FSTL5: variants seen among roughly 807,000 people sequenced by gnomAD.
FSTL5 encodes the protein follistatin like 5, also known as follistatin-related protein 5.
Under a neutral mutation model 89.1 loss-of-function variants are expected in FSTL5, and 62 were observed. That is an observed-to-expected ratio of 0.70 (90% CI 0.57 to 0.86). The LOEUF (loss-of-function observed/expected upper bound fraction) is 0.86. Among genes scored for constraint, FSTL5 ranks in the 40% least tolerant of loss-of-function variants. The pLI is 0.00. For synonymous variants in FSTL5, 383 were observed against 346.2 expected (o/e 1.11, Z -1.18); for missense variants, 1,057 against 1,001.6 (o/e 1.06, Z -0.75).
intron 15 of FSTL5, among the ~76,000 whole-genome samples, chr4:161,408,145 C>T (rs903695395): frequency 1.3e-5 from 2 of 152,058 alleles, no homozygotes; most frequent in African/African-American, 4.8e-5. Context: ...TTCCCAAGGC[C>T]CATGAACAGA....
At chr4:162,024,824 T>C (rs1316084267) in intron 3 of FSTL5, among the ~76,000 whole-genome samples, 1 of 152,006 alleles carries the variant, frequency 6.6e-6, no homozygotes, top group Non-Finnish European at 1.5e-5. Flanking sequence ...TAATTTTTTT[T>C]TATTTTATTT....
intron 12 of FSTL5, among the ~76,000 whole-genome samples, chr4:161,495,850 G>A (rs771932849): frequency 4.6e-5 from 7 of 151,954 alleles, no homozygotes; most frequent in Non-Finnish European, 8.8e-5. Flanking sequence ...TTCCACCACT[G>A]GTACTCAGGA....
At chr4:162,158,502 A>G (rs1733570448) in intron 1 of FSTL5, among the ~76,000 whole-genome samples, 1 of 152,086 alleles carries the variant, frequency 6.6e-6, no homozygotes, top group Admixed American at 6.6e-5. Context: ...GCATTTACAT[A>G]TAGTAAAGAG....
chr4:161,952,442 AATAGTAGGAAAAAT>A (rs1176557745), intron 3 of FSTL5, among the ~76,000 whole-genome samples: 1 of 151,984 alleles, frequency 6.6e-6, no homozygotes, highest in Non-Finnish European at 1.5e-5. Flanking sequence ...CTCATCATAT[AATAGTAGGAAAAAT>A]AATACTGCAT....
At chr4:162,113,610 T>A (rs1351116293) in intron 1 of FSTL5, among the ~76,000 whole-genome samples, 1 of 152,200 alleles carries the variant, frequency 6.6e-6, no homozygotes, top group Non-Finnish European at 1.5e-5. Context: ...GAGCTCTATG[T>A]GTTTCTCTCT....
intron 3 of FSTL5, among the ~76,000 whole-genome samples, chr4:161,999,080 C>G (rs1736386721): frequency 6.6e-6 from 1 of 152,128 alleles, no homozygotes; most frequent in South Asian, 2.1e-4. Flanking sequence ...CTAAGGGAAA[C>G]TAGGCCAAGG....
At chr4:161,753,114 A>G (rs746095474) in intron 6 of FSTL5, among the ~76,000 whole-genome samples, 7 of 152,136 alleles carry the variant, frequency 4.6e-5, no homozygotes, top group Admixed American at 1.3e-4. Context: ...TTACTTGCTC[A>G]TCTTGAATGA....
intron 5 of FSTL5, among the ~76,000 whole-genome samples, chr4:161,774,177 T>C (rs562237041): frequency 6.6e-6 from 1 of 152,154 alleles, no homozygotes; most frequent in East Asian, 1.9e-4. Context: ...TAGGTAAAGA[T>C]AAACACACAG....
rs1261940826 is a variant in FSTL5, at chr4:161,654,611, TTTTGATATA to T, written c.894+1708_894+1716del. 1.2e-4 allele frequency among the ~76,000 whole-genome samples: 19 copies of T among 152,240 alleles called. No individual in the cohort carries two copies. In the East Asian group the frequency reaches 3.7e-3, roughly 29 times the overall value. On this transcript the variant is annotated intron_variant, in intron 7 of 15. Coordinates refer to ENST00000306100, the MANE Select transcript of FSTL5 (RefSeq NM_020116.5). ...GATAAAAATTGAAGAAGCTCTATGT[TTTTGATATA>T]TTCTGGGACATTAAACAAAAACATT...
At chr4:161,726,910 A>AT (rs779345620) in intron 6 of FSTL5, among the ~76,000 whole-genome samples, 8 of 143,588 alleles carry the variant, frequency 5.6e-5, no homozygotes, top group Admixed American at 2.8e-4. Flanking sequence ...GCAAAAAAAA[A>AT]AAATATATAT....
At chr4:162,093,524 G>C (rs1369324189) in intron 2 of FSTL5, among the ~76,000 whole-genome samples, 1 of 152,108 alleles carries the variant, frequency 6.6e-6, no homozygotes, top group Admixed American at 6.6e-5. Context: ...GGATTAAGGA[G>C]AGATAAAAGC....
chr4:161,700,917 AG>A (rs1405951325), intron 6 of FSTL5, among the ~76,000 whole-genome samples: 9 of 152,212 alleles, frequency 5.9e-5, no homozygotes, highest in Non-Finnish European at 2.9e-5. Flanking sequence ...ACAATAATGT[AG>A]TTTGGAGCTT....
At chr4:161,741,493 A>G (rs932245371) in intron 6 of FSTL5, among the ~76,000 whole-genome samples, 3 of 151,972 alleles carry the variant, frequency 2.0e-5, no homozygotes, top group African/African-American at 7.2e-5. Context: ...CCTTATTCTG[A>G]CCTAAAGGCC....
intron 10 of FSTL5, among the ~76,000 whole-genome samples, chr4:161,516,755 AC>A: frequency 7.2e-6 from 1 of 138,140 alleles, no homozygotes; most frequent in Admixed American, 7.2e-5. Flanking sequence ...ACACACACAC[AC>A]ACAATTTTTT....
intron 6 of FSTL5, among the ~76,000 whole-genome samples, chr4:161,707,824 G>C (rs1217993209): frequency 6.6e-6 from 1 of 151,814 alleles, no homozygotes. Flanking sequence ...TTTGGTCTCT[G>C]GATAATGTGT....
intron 4 of FSTL5, among the ~76,000 whole-genome samples, chr4:161,817,302 T>C (rs940111191): frequency 1.3e-5 from 2 of 152,330 alleles, no homozygotes; most frequent in Admixed American, 6.5e-5. Flanking sequence ...GAAGATAAGA[T>C]ACATTCAGGG....
At chr4:161,685,148 T>C (rs942528101) in intron 6 of FSTL5, among the ~76,000 whole-genome samples, 2 of 152,194 alleles carry the variant, frequency 1.3e-5, no homozygotes, top group Admixed American at 6.5e-5. Context: ...TTGGTGACTA[T>C]GGCCTAAGAG....
At chr4:161,662,746 G>A (rs1452097721) in intron 6 of FSTL5, among the ~76,000 whole-genome samples, 1 of 152,148 alleles carries the variant, frequency 6.6e-6, no homozygotes, top group Non-Finnish European at 1.5e-5. Context: ...TCAATAGATT[G>A]AAGAAGCACA....
intron 5 of FSTL5, among the ~76,000 whole-genome samples, chr4:161,765,627 T>G (rs1448125149): frequency 2.6e-5 from 4 of 152,158 alleles, no homozygotes; most frequent in East Asian, 1.9e-4. Context: ...ATGCTCACTT[T>G]TAATTTAATT....
Sources: gnomAD v4.1 joint callset for allele counts (sites outside exome capture counted in the v4.1 genomes callset) on GRCh38, gnomAD v4.1.1 for gene constraint, MANE v1.5 for transcripts, NCBI Gene and HGNC (gene_info 2026-07-23, HGNC 2026-07-21) for gene names.